The following ERBB4 variants were observed in gnomAD, a reference collection of about 807,000 sequenced individuals.
ERBB4 encodes the protein receptor tyrosine-protein kinase erbB-4.
A neutral mutation model predicts 158.0 loss-of-function variants in ERBB4; 42 were observed. The ratio of observed to expected loss-of-function variants is 0.27; its 90% CI spans 0.21 to 0.34. The LOEUF (loss-of-function observed/expected upper bound fraction) is 0.34. Among genes scored for constraint, ERBB4 ranks in the 10% least tolerant of loss-of-function variants. The pLI is 1.00. For synonymous variants in ERBB4, 583 were observed against 558.7 expected (o/e 1.04, Z -0.61); for missense variants, 1,333 against 1,624.1 (o/e 0.82, Z 3.08).
chr2:212,455,447 T>A (rs1688241373), intron 1 of ERBB4, among the ~76,000 whole-genome samples: 1 of 152,138 alleles, frequency 6.6e-6, no homozygotes, highest in African/African-American at 2.4e-5. Context: ...TCTCTCTGCA[T>A]TGTCCAATAT....
rs142288664 is a variant in ERBB4 at position 211,731,120 on chromosome 2, C to T, written c.623-5926G>A. Among the ~76,000 whole-genome samples the T allele has an allele frequency of 3.2e-4, 48 of 152,192 alleles. 1 individual carries two copies. The East Asian group carries it at 8.9e-3, about 28-fold the overall frequency. On this transcript the variant is annotated intron_variant, in intron 5 of 27. Transcript: ENST00000342788. The stretch of plus-strand genomic sequence containing the variant: ...AATATTGCCTCACTGGTTCTGAAGG[C>T]AAACATTATGGATAAATGAAATACC...
intron 1 of ERBB4, among the ~76,000 whole-genome samples, chr2:212,358,129 G>A (rs555504237): frequency 3.3e-5 from 5 of 151,764 alleles, no homozygotes; most frequent in South Asian, 2.1e-4. Flanking sequence ...CTAAAAGAAC[G>A]GATACCAATT....
chr2:212,366,532 C>T (rs1249709048), intron 1 of ERBB4, among the ~76,000 whole-genome samples: 2 of 151,930 alleles, frequency 1.3e-5, no homozygotes, highest in Non-Finnish European at 2.9e-5. Context: ...CTACCACAAA[C>T]CACACTGTCC....
intron 1 of ERBB4, among the ~76,000 whole-genome samples, chr2:212,208,245 G>A (rs577076820): frequency 2.0e-5 from 3 of 152,050 alleles, no homozygotes; most frequent in South Asian, 4.1e-4. Flanking sequence ...TCCCTCTTAC[G>A]CCTGCAAGGT....
At chr2:211,994,312 T>A (rs989649000) in intron 2 of ERBB4, among the ~76,000 whole-genome samples, 6 of 151,578 alleles carry the variant, frequency 4.0e-5, no homozygotes, top group African/African-American at 9.7e-5. Flanking sequence ...AAAAAAAAAA[T>A]TGTAGAGACA....
At chr2:212,113,340 C>T (rs1204208768) in intron 2 of ERBB4, among the ~76,000 whole-genome samples, 2 of 151,962 alleles carry the variant, frequency 1.3e-5, no homozygotes, top group Non-Finnish European at 2.9e-5. Context: ...CTTTGAGAGG[C>T]TGAGGAGGGT....
chr2:211,949,046 T>C (rs1220127946), intron 2 of ERBB4, among the ~76,000 whole-genome samples: 1 of 152,132 alleles, frequency 6.6e-6, no homozygotes, highest in Non-Finnish European at 1.5e-5. Context: ...ATTTCAGTCA[T>C]CTTTGACTCT....
chr2:211,545,929 C>T (rs906035802), intron 20 of ERBB4, among the ~76,000 whole-genome samples: 2 of 152,026 alleles, frequency 1.3e-5, no homozygotes, highest in Non-Finnish European at 2.9e-5. Context: ...GAAAAGGCTT[C>T]TTCATGAAGG....
Position 211,788,030 on chromosome 2 carries a change from G to A in ERBB4, c.551C>T (p.Ser184Leu), listed in dbSNP as rs760630823. The change falls in exon 4 of 28, where the codon TCA (serine) becomes TTA (leucine). Residue 184 changes from serine to leucine, a missense_variant. Coordinates refer to ENST00000342788, the MANE Select transcript of ERBB4 (RefSeq NM_005235.3). ...AAAAGAATAATTCTACTTACATCCTGAACTACCATTTGTTGACACAAGAGT... is the reference window on the plus strand; with the variant it reads ...AAAAGAATAATTCTACTTACATCCTAAACTACCATTTGTTGACACAAGAGT... ...NLTLVSTNGS[S>L]GCGRCHKSCT... 7.4e-6 allele frequency: 12 copies of A among 1,613,290 alleles called. No homozygotes were observed. In the South Asian group the frequency reaches 1.2e-4, roughly 16 times the overall value.
At position 211,561,906 on chromosome 2, in the gene ERBB4, A is replaced by G; in HGVS notation, c.2484T>C (p.Ala828=). The change falls in exon 20 of 28, where the codon GCT becomes GCC. Residue 828 remains alanine, a synonymous_variant. Transcript: ENST00000342788. ...QLLLNWCVQI[A]KGMMYLEERR... ...ATAGAAATTGACAGGCACTTACCTT[A>G]GCTATCTGGACACACCAGTTAAGCA... 1 of 1,613,684 alleles carries G rather than the reference A, an allele frequency of 6.2e-7. No homozygotes were observed. The highest frequency in any genetic ancestry group is 8.5e-7 in the Non-Finnish European group (1 of 1,179,758).
intron 1 of ERBB4, among the ~76,000 whole-genome samples, chr2:212,331,836 G>A (rs1025949304): frequency 6.6e-6 from 1 of 151,884 alleles, no homozygotes. Flanking sequence ...GTATTAAATA[G>A]GAATTTATTT....
chr2:211,471,128 C>G (rs1408776833), intron 20 of ERBB4, among the ~76,000 whole-genome samples: 1 of 151,980 alleles, frequency 6.6e-6, no homozygotes, highest in East Asian at 1.9e-4. Context: ...GAGGATAAGA[C>G]TACCATATGA....
At chr2:212,180,430 T>C (rs1339478489) in intron 1 of ERBB4, among the ~76,000 whole-genome samples, 1 of 151,658 alleles carries the variant, frequency 6.6e-6, no homozygotes, top group Non-Finnish European at 1.5e-5. Context: ...CATTCAAATA[T>C]GCAGAGGCAA....
intron 2 of ERBB4, among the ~76,000 whole-genome samples, chr2:212,072,631 T>C (rs2078157471): frequency 6.6e-6 from 1 of 152,058 alleles, no homozygotes; most frequent in Non-Finnish European, 1.5e-5. Flanking sequence ...GTTTTCGATC[T>C]ACTCGTCAAA....
At chr2:211,736,906 T>C (rs1212705211) in intron 5 of ERBB4, among the ~76,000 whole-genome samples, 1 of 152,154 alleles carries the variant, frequency 6.6e-6, no homozygotes, top group Non-Finnish European at 1.5e-5. Context: ...CTTTTATGCA[T>C]GATTAATATA....
intron 20 of ERBB4, among the ~76,000 whole-genome samples, chr2:211,511,734 G>A (rs1240454329): frequency 6.6e-6 from 1 of 151,964 alleles, no homozygotes; most frequent in Non-Finnish European, 1.5e-5. Context: ...ATTAAAAAAA[G>A]AGAAAAGATT....
At chr2:211,487,412 T>C (rs1044333782) in intron 20 of ERBB4, among the ~76,000 whole-genome samples, 1 of 152,116 alleles carries the variant, frequency 6.6e-6, no homozygotes, top group Non-Finnish European at 1.5e-5. Flanking sequence ...ACATAATTAT[T>C]TTAATTCCAT....
intron 25 of ERBB4, among the ~76,000 whole-genome samples, chr2:211,410,056 A>G (rs1304611156): frequency 6.6e-6 from 1 of 152,200 alleles, no homozygotes; most frequent in Non-Finnish European, 1.5e-5. Flanking sequence ...TTCAGAGAAA[A>G]TCTAGTGGAA....
intron 2 of ERBB4, among the ~76,000 whole-genome samples, chr2:212,000,756 T>C (rs1316260866): frequency 2.0e-5 from 3 of 151,876 alleles, no homozygotes; most frequent in African/African-American, 4.8e-5. Context: ...TATAATTAGA[T>C]AGAATCATGT....
Sources: gnomAD v4.1 joint callset for allele counts (sites outside exome capture counted in the v4.1 genomes callset) on GRCh38, gnomAD v4.1.1 for gene constraint, MANE v1.5 for transcripts, NCBI Gene and HGNC (gene_info 2026-07-23, HGNC 2026-07-21) for gene names.